The following CCND3 variants were observed in gnomAD, a reference collection of about 807,000 sequenced individuals.
CCND3 encodes cyclin D3.
In CCND3, 9 loss-of-function variants were observed where a neutral mutation model predicts 28.7. That is an observed-to-expected ratio of 0.31 (90% CI 0.19 to 0.55). The LOEUF (loss-of-function observed/expected upper bound fraction) is 0.55, where lower values mean the gene tolerates loss of function less well. Among genes scored for constraint, CCND3 ranks in the 20% least tolerant of loss-of-function variants. CCND3 has a pLI of 0.93. For synonymous variants in CCND3, 164 were observed against 163.9 expected, an observed-to-expected ratio of 1.00 and a Z score of 0.00; for missense variants, 315 against 385.8, an observed-to-expected ratio of 0.82 and a Z score of 1.54.
At position 41,941,515 on chromosome 6, in the gene CCND3, G is replaced by T; in HGVS notation, c.135C>A (p.Phe45Leu). Reference protein sequence around the residue: ...EERYVPRASYFQCVQREIKPH... With the variant: ...EERYVPRASYLQCVQREIKPH... ...GCTTGATCTCCCGCTGCACGCACTG[G>T]AAGTAGGAGGCGCGGGGTACGTAGC... is the stretch of plus-strand genomic sequence containing the variant. The change falls in exon 1 of 5, where the codon TTC becomes TTA. Residue 45 changes from phenylalanine (F) to leucine (L), a missense_variant. Phe to Leu is a conservative substitution (Grantham distance 22). Coordinates refer to ENST00000372991, the MANE Select transcript of CCND3 (RefSeq NM_001760.5). This position sits in a 1 kb window ranked among gnomAD's most constrained non-coding sequence, Gnocchi z 6.1. 1 of 1,607,470 alleles carries T rather than the reference G, an allele frequency of 6.2e-7. No individual in the cohort carries two copies. The highest frequency in any genetic ancestry group is 8.5e-7 in the Non-Finnish European group (1 of 1,178,560).
At position 41,959,485 on chromosome 6, in the gene CCND3, C is replaced by T. The variant is rs555020094; in HGVS notation, c.-45-18900G>A. ...AGATCACAAGGTCAGGAGATTGAGA[C>T]CATCCTGGCCAACATGGTGAAACCC... On this transcript the variant is annotated intron_variant, in intron 1 of 4. Transcript: ENST00000372988. 1.1e-4 allele frequency among the ~76,000 whole-genome samples: 16 copies of T among 151,582 alleles called. 1 individual carries two copies. Among genetic ancestry groups the T allele is most frequent in the South Asian group, 1.0e-3 (5 of 4,806 alleles).
intron 1 of CCND3, among the ~76,000 whole-genome samples, chr6:42,026,593 C>T (rs779584769): frequency 3.3e-5 from 5 of 152,194 alleles, no homozygotes; most frequent in Non-Finnish European, 7.3e-5. Flanking sequence ...CCCTTCTCAT[C>T]TAGATCTCAT....
chr6:41,951,953 G>C (rs886900569), intron 1 of CCND3, among the ~76,000 whole-genome samples: 7 of 151,854 alleles, frequency 4.6e-5, no homozygotes, highest in African/African-American at 1.7e-4. Context: ...GTAGAGACGC[G>C]GTTTCACCAT....
chr6:41,962,732 A>T (rs1761753665), intron 1 of CCND3, among the ~76,000 whole-genome samples: 2 of 150,542 alleles, frequency 1.3e-5, no homozygotes, highest in South Asian at 4.2e-4. Context: ...CTGCGTGACA[A>T]GAGTGAGATC....
chr6:41,935,723 G>C lies in CCND3; in HGVS notation c.*217C>G. ...GGAAAGGCGCTGCTGGTCAGATGCA[G>C]GGAGGAGGAGCTTGACTAGCCACCG... On this transcript the variant is annotated 3_prime_UTR_variant, in exon 5 of 5. Transcript: ENST00000372991. 1.8e-6 allele frequency: 1 copy of C among 567,566 alleles called. No individual in the cohort carries two copies. Among genetic ancestry groups the C allele is most frequent in the East Asian group, 2.8e-5 (1 of 35,832 alleles). 35.2% of individuals were successfully genotyped at this position (567,566 alleles called of 1,614,324 possible).
At chr6:42,026,160 C>G (rs920558858) in intron 1 of CCND3, among the ~76,000 whole-genome samples, 1 of 152,098 alleles carries the variant, frequency 6.6e-6, no homozygotes, top group Admixed American at 6.6e-5. Context: ...TTTGACAAAC[C>G]TTGACCTCCC....
chr6:42,023,287 G>A (rs1250368266), intron 1 of CCND3, among the ~76,000 whole-genome samples: 1 of 152,154 alleles, frequency 6.6e-6, no homozygotes, highest in East Asian at 1.9e-4. Context: ...CGAGCCTAGG[G>A]CTGACGTGCT....
At chr6:42,033,177 C>T (rs1043104899) in intron 1 of CCND3, among the ~76,000 whole-genome samples, 1 of 152,092 alleles carries the variant, frequency 6.6e-6, no homozygotes, top group African/African-American at 2.4e-5. Context: ...ATTGGCCGGG[C>T]ATGGTGGCTC....
intron 1 of CCND3, among the ~76,000 whole-genome samples, chr6:42,002,604 G>C (rs6935646): frequency 1.3e-5 from 2 of 152,016 alleles, no homozygotes; most frequent in Non-Finnish European, 2.9e-5. Context: ...TGTAATCCCA[G>C]CACTTTGGGA....
upstream of CCND3, among the ~76,000 whole-genome samples, chr6:41,946,200 G>T (rs1207218501): frequency 6.6e-6 from 1 of 152,168 alleles, no homozygotes; most frequent in African/African-American, 2.4e-5. Flanking sequence ...CCCACAGAGT[G>T]GTTGTGAGGA....
intron 1 of CCND3, among the ~76,000 whole-genome samples, chr6:41,984,778 CTT>C (rs1428587224): frequency 6.6e-6 from 1 of 152,146 alleles, no homozygotes; most frequent in African/African-American, 2.4e-5. Context: ...CAATGTTTAT[CTT>C]TTGTCTGTTT....
rs1033224695 is a variant in CCND3 at position 41,941,395 on chromosome 6, GC to G, written c.198+56del. 3.8e-6 allele frequency: 6 copies of G among 1,588,310 alleles called. No homozygotes were observed. The Admixed American group carries it at 1.1e-4, about 29-fold the overall frequency. ...GGGACCGGGATGTCCCGACAGGGCG[GC>G]CCCGGTGTGTCCAGACCCGGGAGCG... On this transcript the variant is annotated intron_variant, in intron 1 of 4. Transcript: ENST00000372991. This position sits in a 1 kb window ranked among gnomAD's most constrained non-coding sequence, Gnocchi z 6.1.
chr6:41,995,639 T>C (rs1177970782), intron 1 of CCND3, among the ~76,000 whole-genome samples: 1 of 152,176 alleles, frequency 6.6e-6, no homozygotes, highest in Non-Finnish European at 1.5e-5. Context: ...GATAAAATTG[T>C]GTATTGCAAA....
At chr6:42,044,784 T>TTTATTTATTTAC (rs1554169113) in intron 1 of CCND3, among the ~76,000 whole-genome samples, 2 of 15,514 alleles carry the variant, frequency 1.3e-4, no homozygotes, top group Non-Finnish European at 3.4e-4. Context: ...TTTCTTTCCT[T>TTTATTTATTTAC]TTATTTATTT....
rs367639182 is a variant in CCND3 at position 42,048,539 on chromosome 6, T to C, written c.-84A>G. The C allele has an allele frequency of 3.2e-4, 164 of 514,060 alleles. 1 individual carries two copies. The highest frequency in any genetic ancestry group is 2.8e-3 in the East Asian group (50 of 18,134). 31.8% of individuals were successfully genotyped at this position (514,060 alleles called of 1,614,324 possible). The stretch of plus-strand genomic sequence containing the variant: ...GACCTCCCCGGAGCACCGACTGGGG[T>C]CGCAGGCGCTCTGTCCCGCCGCCTC... On this transcript the variant is annotated 5_prime_UTR_variant, in exon 1 of 5. Coordinates refer to the CCND3 transcript ENST00000372988. This position sits in a 1 kb window ranked among gnomAD's most constrained non-coding sequence, Gnocchi z 4.7.
intron 1 of CCND3, among the ~76,000 whole-genome samples, chr6:41,979,804 T>C (rs1311498964): frequency 6.6e-6 from 1 of 151,852 alleles, no homozygotes; most frequent in Non-Finnish European, 1.5e-5. Context: ...ACTTTTATTT[T>C]TTTTGTTTTT....
At chr6:41,983,529 CATT>C (rs1329078876) in intron 1 of CCND3, among the ~76,000 whole-genome samples, 1 of 151,876 alleles carries the variant, frequency 6.6e-6, no homozygotes, top group Non-Finnish European at 1.5e-5. Context: ...CAAATATCAT[CATT>C]ATTAACTATA....
intron 1 of CCND3, among the ~76,000 whole-genome samples, chr6:42,047,261 G>T (rs1006036843): frequency 6.6e-6 from 1 of 152,204 alleles, no homozygotes; most frequent in African/African-American, 2.4e-5. Flanking sequence ...AAGAAACTCT[G>T]ATTTGATTAC....
intron 1 of CCND3, chr6:42,011,074 G>GAT (rs1554166025): frequency 6.7e-6 from 1 of 150,318 alleles, no homozygotes; most frequent in Non-Finnish European, 1.5e-5. Flanking sequence ...ACAACTGGTA[G>GAT]TGAATGAATG....
Sources: allele counts gnomAD v4.1 joint callset (sites outside exome capture counted in the v4.1 genomes callset), GRCh38; gene constraint gnomAD v4.1.1; non-coding constraint Gnocchi (gnomAD v3.1); transcripts MANE v1.5; gene names NCBI Gene and HGNC (gene_info 2026-07-23, HGNC 2026-07-21).